The following AFF4 variants were observed in gnomAD, a reference collection of about 807,000 sequenced individuals.
AFF4 encodes ALF transcription elongation factor 4.
A neutral mutation model predicts 124.8 loss-of-function variants in AFF4; 13 were observed. That is an observed-to-expected ratio of 0.10 (90% confidence interval 0.07 to 0.17). The LOEUF (loss-of-function observed/expected upper bound fraction) is 0.17, where lower values mean the gene tolerates loss of function less well. AFF4 is among the 10% of genes least tolerant of loss of function. The pLI, the probability that AFF4 is intolerant of heterozygous loss-of-function variation, is 1.00. For synonymous variants in AFF4, 477 were observed against 496.1 expected (o/e 0.96, Z 0.51); for missense variants, 1,092 against 1,403.8 (o/e 0.78, Z 3.55).
intron 1 of AFF4, among the ~76,000 whole-genome samples, chr5:132,960,940 T>C (rs1021012181): frequency 2.6e-5 from 4 of 152,060 alleles, no homozygotes; most frequent in Admixed American, 6.6e-5. Flanking sequence ...ATCGCCTAGG[T>C]TGGCCGGGCG....
intron 19 of AFF4, among the ~76,000 whole-genome samples, chr5:132,884,404 G>A (rs151225701): frequency 1.9e-4 from 29 of 152,088 alleles, no homozygotes; most frequent in African/African-American, 7.0e-4. Context: ...ACCACACCCG[G>A]CTAATTTTTG....
chr5:132,892,911 T>A, intron 12 of AFF4, 119 bp downstream of exon 12: 1 of 896,070 alleles, frequency 1.1e-6, no homozygotes, highest in Non-Finnish European at 1.8e-6. Flanking sequence ...GTTATGTGTA[T>A]GCATTTATAT....
intron 1 of AFF4, among the ~76,000 whole-genome samples, chr5:132,947,354 G>A (rs1451353038): frequency 6.6e-6 from 1 of 152,172 alleles, no homozygotes; most frequent in Non-Finnish European, 1.5e-5. Context: ...AGTGAGCCGA[G>A]ATTGTGCCAC....
chr5:132,935,865 A>T (rs1415524639), intron 2 of AFF4, among the ~76,000 whole-genome samples: 1 of 151,346 alleles, frequency 6.6e-6, no homozygotes, highest in African/African-American at 2.4e-5. Context: ...AGTGGTGGCA[A>T]TGAGCCGAGA....
At chr5:132,935,545 CG>C (rs1240930831) in intron 2 of AFF4, among the ~76,000 whole-genome samples, 1 of 152,012 alleles carries the variant, frequency 6.6e-6, no homozygotes, top group Non-Finnish European at 1.5e-5. Flanking sequence ...CCAAGGTGGG[CG>C]GATCACCTGA....
chr5:132,955,522 T>G (rs1170611024), intron 1 of AFF4, among the ~76,000 whole-genome samples: 1 of 152,108 alleles, frequency 6.6e-6, no homozygotes, highest in Non-Finnish European at 1.5e-5. Flanking sequence ...CTTATGCCTG[T>G]AATCTGAACA....
chr5:132,887,961 C>T lies in AFF4; in HGVS notation c.2818G>A (p.Val940Ile), dbSNP rs779638240. ...DALSDRFEKAVYYLDAVVSFI... is the reference protein window; with the variant it reads ...DALSDRFEKAIYYLDAVVSFI... ...GATACCACAGCATCAAGATAGTATA[C>T]AGCTTTCTCAAACCTATCAGACTGA... Residue 940 changes from valine to isoleucine, a missense_variant, in exon 16 of 21, where the codon GTA becomes ATA. Val to Ile is a conservative substitution (Grantham distance 29). This residue lies in a region of AFF4 where 173 missense variants were observed against 294.9 expected (regional missense o/e 0.59). Coordinates refer to ENST00000265343, the MANE Select transcript of AFF4 (RefSeq NM_014423.4). 4 of 1,613,572 alleles carry T rather than the reference C, an allele frequency of 2.5e-6. No individual in the cohort carries two copies. Among genetic ancestry groups the T allele is most frequent in the Non-Finnish European group, 3.4e-6 (4 of 1,179,920 alleles).
chr5:132,930,615 T>C (rs574433018), intron 4 of AFF4, among the ~76,000 whole-genome samples: 12 of 151,144 alleles, frequency 7.9e-5, no homozygotes, highest in Non-Finnish European at 1.3e-4. Flanking sequence ...GTGTTCACAG[T>C]GAATTTAAGT....
In AFF4 at chr5:132,938,104, G is replaced by T. The variant is rs1234662709; in HGVS notation, c.-4-911C>A. 4.9e-5 allele frequency among the ~76,000 whole-genome samples: 7 copies of T among 143,314 alleles called. No individual in the cohort carries two copies. In the South Asian group the frequency reaches 1.3e-3, roughly 27 times the overall value. 94.0% of individuals were successfully genotyped at this position (143,314 alleles called of 152,430 possible). ...AGATTAAATAATCAGACCTGGTTTTGTTTTTTTTTTTAAAAAAAAAGGCTC... is the reference window on the plus strand; with the variant it reads ...AGATTAAATAATCAGACCTGGTTTTTTTTTTTTTTTTAAAAAAAAAGGCTC... On this transcript the variant is annotated intron_variant, in intron 1 of 20. Transcript: ENST00000265343.
intron 5 of AFF4, among the ~76,000 whole-genome samples, chr5:132,916,210 G>C (rs1184974083): frequency 1.6e-5 from 2 of 122,982 alleles, no homozygotes; most frequent in Non-Finnish European, 3.2e-5. Context: ...CTGCACTCTA[G>C]CCTGGGTGAC....
At chr5:132,910,373 G>A (rs193244302) in intron 5 of AFF4, among the ~76,000 whole-genome samples, 1 of 152,264 alleles carries the variant, frequency 6.6e-6, no homozygotes. Context: ...GCTTTCTGAT[G>A]TGTTCCTTAT....
intron 5 of AFF4, among the ~76,000 whole-genome samples, chr5:132,910,640 G>A (rs1760774266): frequency 6.6e-6 from 1 of 151,972 alleles, no homozygotes; most frequent in South Asian, 2.1e-4. Context: ...TCGGTAAGAA[G>A]CAACCCACCT....
chr5:132,904,942 G>A (rs758629244), intron 5 of AFF4, among the ~76,000 whole-genome samples: 3 of 151,612 alleles, frequency 2.0e-5, no homozygotes, highest in South Asian at 2.1e-4. Flanking sequence ...CCAGCTACTC[G>A]GGAGGCTGAG....
At chr5:132,904,307 T>C (rs2150077956) in intron 6 of AFF4, 61 bp downstream of exon 6, 1 of 1,423,112 alleles carries the variant, frequency 7.0e-7, no homozygotes, top group South Asian at 1.2e-5. Context: ...GGTGTGACCA[T>C]GAAAACTGAA....
intron 1 of AFF4, among the ~76,000 whole-genome samples, chr5:132,939,094 C>G (rs950476554): frequency 6.7e-6 from 1 of 150,150 alleles, no homozygotes; most frequent in African/African-American, 2.5e-5. Flanking sequence ...GTGGTGGACA[C>G]CTGTAATAGC....
At chr5:132,891,805 T>C (rs1176337834) in intron 13 of AFF4, 1 of 299,912 alleles carries the variant, frequency 3.3e-6, no homozygotes, top group Non-Finnish European at 6.1e-6. Flanking sequence ...TCTATCTTTT[T>C]TTTTTTTTTT....
At chr5:132,888,954 CAA>C in intron 14 of AFF4, 123 bp downstream of exon 14, 1 of 839,448 alleles carries the variant, frequency 1.2e-6, no homozygotes, top group South Asian at 1.6e-5. Flanking sequence ...CCTGGGCCTC[CAA>C]AAGAGCTGGG....
intron 13 of AFF4, among the ~76,000 whole-genome samples, chr5:132,891,538 C>T (rs1044285054): frequency 6.6e-6 from 1 of 152,168 alleles, no homozygotes; most frequent in Non-Finnish European, 1.5e-5. Flanking sequence ...GAATACTCCC[C>T]TGCATTGTGA....
chr5:132,929,892 A>G (rs764614707), intron 4 of AFF4, among the ~76,000 whole-genome samples: 2 of 152,210 alleles, frequency 1.3e-5, no homozygotes, highest in Admixed American at 6.5e-5. Flanking sequence ...GAAAGGCTGA[A>G]TGAGGCCTCT....
Sources: allele counts gnomAD v4.1 joint callset (sites outside exome capture counted in the v4.1 genomes callset), GRCh38; gene constraint gnomAD v4.1.1; regional missense constraint gnomAD v4.1.1; transcripts MANE v1.5; gene names NCBI Gene and HGNC (gene_info 2026-07-23, HGNC 2026-07-21).